NR3C2: variants seen among roughly 807,000 people sequenced by gnomAD.
NR3C2 encodes nuclear receptor subfamily 3 group C member 2, also known as mineralocorticoid receptor.
In NR3C2, 15 loss-of-function variants were observed where a neutral mutation model predicts 86.4. That is an observed-to-expected ratio of 0.17 (90% confidence interval 0.12 to 0.27). The LOEUF (loss-of-function observed/expected upper bound fraction) is 0.27, where lower values mean the gene tolerates loss of function less well. Ranked by LOEUF, NR3C2 falls within the 10% of genes least tolerant of loss-of-function variation. NR3C2 has a pLI of 1.00. For synonymous variants in NR3C2, 458 were observed against 450.5 expected (o/e 1.02, Z -0.21); for missense variants, 960 against 1,195.6 (o/e 0.80, Z 2.91).
chr4:148,145,903 G>A (rs1560945300), intron 6 of NR3C2, among the ~76,000 whole-genome samples: 1 of 152,116 alleles, frequency 6.6e-6, no homozygotes, highest in African/African-American at 2.4e-5. Context: ...TGGGGCAGTG[G>A]GAGGTGGAAG....
At chr4:148,378,193 T>G (rs919091910) in intron 2 of NR3C2, among the ~76,000 whole-genome samples, 7 of 152,056 alleles carry the variant, frequency 4.6e-5, no homozygotes, top group Non-Finnish European at 7.4e-5. Flanking sequence ...AAAGAAAAAG[T>G]AATTGAAAGA....
intron 2 of NR3C2, among the ~76,000 whole-genome samples, chr4:148,283,841 G>C (rs972100342): frequency 2.0e-5 from 3 of 152,208 alleles, no homozygotes; most frequent in African/African-American, 7.2e-5. Flanking sequence ...ATTATTATTT[G>C]ATGTTTACCA....
intron 2 of NR3C2, among the ~76,000 whole-genome samples, chr4:148,391,956 T>TA (rs5862838): frequency 0.21 from 31,761 of 147,850 alleles, 3,456 homozygotes; most frequent in South Asian, 0.24. Context: ...AATAACGTAG[T>TA]AAAAAAAAAA....
chr4:148,230,073 C>A (rs2149836808), intron 3 of NR3C2, among the ~76,000 whole-genome samples: 1 of 152,300 alleles, frequency 6.6e-6, no homozygotes, highest in South Asian at 2.1e-4. Context: ...TGGGACAATT[C>A]TCTCTCTCTT....
chr4:148,437,241 G>C (rs1313479700), intron 1 of NR3C2, among the ~76,000 whole-genome samples: 1 of 152,188 alleles, frequency 6.6e-6, no homozygotes, highest in Non-Finnish European at 1.5e-5. Flanking sequence ...GAAGTGGGTG[G>C]CTTGCCCAAA....
At chr4:148,343,573 G>A (rs539781226) in intron 2 of NR3C2, among the ~76,000 whole-genome samples, 19 of 152,022 alleles carry the variant, frequency 1.2e-4, no homozygotes, top group Non-Finnish European at 2.6e-4. Context: ...AGTGGGGTTG[G>A]AGGTTATGAA....
intron 3 of NR3C2, among the ~76,000 whole-genome samples, chr4:148,259,288 T>A (rs957106189): frequency 1.3e-5 from 2 of 152,316 alleles, no homozygotes; most frequent in East Asian, 3.9e-4. Flanking sequence ...AATAAAACCA[T>A]CTGGTCTAAG....
chr4:148,204,938 C>T (rs1414244375), intron 3 of NR3C2, among the ~76,000 whole-genome samples: 2 of 152,222 alleles, frequency 1.3e-5, no homozygotes, highest in East Asian at 1.9e-4. Flanking sequence ...AAAAATCCTA[C>T]ATGCTGGGTT....
chr4:148,318,552 T>C (rs921626319), intron 2 of NR3C2, among the ~76,000 whole-genome samples: 73 of 152,086 alleles, frequency 4.8e-4, no homozygotes, highest in African/African-American at 1.7e-3. Context: ...TTCCTGACTT[T>C]TTAATGATGG....
intron 1 of NR3C2, among the ~76,000 whole-genome samples, chr4:148,437,673 A>C (rs1251273094): frequency 6.6e-6 from 1 of 152,182 alleles, no homozygotes; most frequent in Non-Finnish European, 1.5e-5. Flanking sequence ...AACGACTGCC[A>C]ACAACCAGAA....
At chr4:148,441,547 A>C (rs1750338379) in intron 1 of NR3C2, among the ~76,000 whole-genome samples, 1 of 152,238 alleles carries the variant, frequency 6.6e-6, no homozygotes. Flanking sequence ...TTTTAAATTG[A>C]GTAGGCAAAG....
intron 3 of NR3C2, among the ~76,000 whole-genome samples, chr4:148,229,300 T>C (rs1738342509): frequency 6.6e-6 from 1 of 152,144 alleles, no homozygotes; most frequent in Admixed American, 6.5e-5. Context: ...ATTCAAACAG[T>C]GAGGTGGGAG....
intron 2 of NR3C2, among the ~76,000 whole-genome samples, chr4:148,303,353 G>C (rs189570235): frequency 2.6e-5 from 4 of 152,232 alleles, no homozygotes; most frequent in Admixed American, 6.5e-5. Flanking sequence ...TTCTAGTTCT[G>C]AGCAATTATC....
intron 2 of NR3C2, among the ~76,000 whole-genome samples, chr4:148,362,978 C>T (rs2063553): frequency 0.13 from 19,395 of 152,154 alleles, 1,318 homozygotes; most frequent in Middle Eastern, 0.16. Flanking sequence ...ACAACTACAA[C>T]GGGATGCGGT....
rs1219848021 is a variant in NR3C2 at position 148,194,876 on chromosome 4, T to TA, written c.1898-15dup. The TA allele has an allele frequency of 5.1e-6, 8 of 1,568,980 alleles. No homozygotes were observed. The highest frequency in any genetic ancestry group is 6.1e-6 in the Non-Finnish European group (7 of 1,143,216). On this transcript the variant is annotated splice_polypyrimidine_tract_variant and intron_variant, in intron 3 of 8. Coordinates refer to ENST00000358102, the MANE Select transcript of NR3C2 (RefSeq NM_000901.5). Reference sequence around the variant, plus strand: ...AGTTGTGTTGCCCTGATTAAAATAATAAAAAATAACTGTTAAAATAGAGTA... The same window carrying TA: ...AGTTGTGTTGCCCTGATTAAAATAATAAAAAAATAACTGTTAAAATAGAGTA...
chr4:148,348,883 C>T (rs1018873593), intron 2 of NR3C2, among the ~76,000 whole-genome samples: 3 of 152,018 alleles, frequency 2.0e-5, no homozygotes, highest in Admixed American at 1.3e-4. Flanking sequence ...TTTCTTCTAC[C>T]TATTTTAACT....
chr4:148,142,166 T>G (rs1733644312), intron 6 of NR3C2, among the ~76,000 whole-genome samples: 1 of 152,282 alleles, frequency 6.6e-6, no homozygotes, highest in Non-Finnish European at 1.5e-5. Context: ...CATTTTAAAA[T>G]TAATTAGTTT....
At chr4:148,096,107 T>C (rs113632016) in intron 8 of NR3C2, among the ~76,000 whole-genome samples, 84 of 152,328 alleles carry the variant, frequency 5.5e-4, no homozygotes, top group Non-Finnish European at 9.4e-4. Context: ...AGCCTCATTC[T>C]AGACCACAGC....
intron 6 of NR3C2, among the ~76,000 whole-genome samples, chr4:148,142,487 G>T (rs1461630574): frequency 6.6e-6 from 1 of 152,064 alleles, no homozygotes; most frequent in African/African-American, 2.4e-5. Flanking sequence ...TCTCAGGGGT[G>T]CACGTCTTTC....
Sources: allele counts gnomAD v4.1 joint callset (sites outside exome capture counted in the v4.1 genomes callset), GRCh38; gene constraint gnomAD v4.1.1; transcripts MANE v1.5; gene names NCBI Gene and HGNC (gene_info 2026-07-23, HGNC 2026-07-21).